Variants in PCDHGA3 observed in about 807,000 individuals in gnomAD.
PCDHGA3 encodes protocadherin gamma-A3.
A neutral mutation model predicts 58.5 loss-of-function variants in PCDHGA3; 40 were observed. The observed-to-expected ratio is 0.68, with a 90% CI of 0.53 to 0.89. The LOEUF is 0.89. PCDHGA3 is among the 40% of genes least tolerant of loss of function. The pLI, the probability that PCDHGA3 is intolerant of heterozygous loss-of-function variation, is 0.00. For synonymous variants in PCDHGA3, 530 were observed against 525.7 expected, an observed-to-expected ratio of 1.01 and a Z score of -0.11; for missense variants, 1,223 against 1,195.9, an observed-to-expected ratio of 1.02 and a Z score of -0.33.
Position 141,384,834 on chromosome 5 carries a change from C to T in PCDHGA3, c.2424+38377C>T, listed in dbSNP as rs369584315. 6.0e-5 allele frequency: 97 copies of T among 1,613,478 alleles called. No individual in the cohort carries two copies. The African/African-American group carries it at 1.2e-3, about 19-fold the overall frequency. On this transcript the variant is annotated intron_variant, in intron 1 of 3. Coordinates refer to ENST00000253812, the MANE Select transcript of PCDHGA3 (RefSeq NM_018916.4). The stretch of plus-strand genomic sequence containing the variant: ...CCCTCAAGCAGAGCCTCGTGGTGGC[C>T]GTCCAGGACCACGGTCAGCCTCCTC...
chr5:141,344,226 C>T lies in PCDHGA3; in HGVS notation c.193C>T (p.Arg65Cys). The change falls in exon 1 of 4, where the codon CGC becomes TGC. Residue 65 changes from arginine to cysteine, a missense_variant. By Grantham distance (180) the Arg-to-Cys change is radical. Transcript: ENST00000253812. ...CCGGGAGCTGGCGGAGCGCGGAGTC[C>T]GCATCGTCTCCAGAGGTAGGACGCA... ...EPRELAERGV[R>C]IVSRGRTQLF... The T allele has an allele frequency of 1.2e-6, 2 of 1,614,026 alleles. No individual in the cohort carries two copies. The highest frequency in any genetic ancestry group is 1.1e-5 in the South Asian group (1 of 91,082).
rs765243043 is a variant in PCDHGA3 at position 141,390,219 on chromosome 5, T to C, written c.2424+43762T>C. On this transcript the variant is annotated intron_variant, in intron 1 of 3. Coordinates refer to ENST00000253812, the MANE Select transcript of PCDHGA3 (RefSeq NM_018916.4). ...GTTGAGTTCAGGACAAGACATACTT[T>C]GCGGTGATTCATCTGGGGCCTTATT... 3.1e-6 allele frequency: 5 copies of C among 1,614,066 alleles called. No individual in the cohort carries two copies. In the South Asian group the frequency reaches 5.5e-5, roughly 18 times the overall value.
chr5:141,408,851 G>T, intron 1 of PCDHGA3: 4 of 1,613,574 alleles, frequency 2.5e-6, no homozygotes, highest in African/African-American at 1.3e-5. Context: ...TGCCTTGGAC[G>T]GAGGGGACCC....
At position 141,403,568 on chromosome 5, in the gene PCDHGA3, ACTGCCCACCAC is replaced by A. The variant is rs758329896; in HGVS notation, c.2424+57115_2424+57125del. On this transcript the variant is annotated intron_variant, in intron 1 of 3. Coordinates refer to ENST00000253812, the MANE Select transcript of PCDHGA3 (RefSeq NM_018916.4). The stretch of plus-strand genomic sequence containing the variant: ...GCGCGCCCTGGACAGGGAGGAGGCA[ACTGCCCACCAC>A]CTGGTCCTCACGGCCTCGGATGGCG... The A allele has an allele frequency of 2.5e-6, 4 of 1,613,918 alleles. No individual in the cohort carries two copies. In the South Asian group the frequency reaches 4.4e-5, roughly 18 times the overall value.
intron 1 of PCDHGA3, chr5:141,428,461 G>A: frequency 2.8e-6 from 1 of 352,014 alleles, no homozygotes; most frequent in South Asian, 2.8e-5. Flanking sequence ...CAACTACAAT[G>A]AGGGAACTTT....
rs759819103 is a variant in PCDHGA3, at chr5:141,398,546, T to A, written c.2424+52089T>A. On this transcript the variant is annotated intron_variant, in intron 1 of 3. Transcript: ENST00000253812. ...AAATTCACGCAAAATTCCTTTGAGC[T>A]GCAAATAAGTGAGTCTGCACAGCCT... 3.1e-6 allele frequency: 5 copies of A among 1,613,902 alleles called. No homozygotes were observed. The East Asian group carries it at 1.1e-4, about 36-fold the overall frequency.
At position 141,476,613 on chromosome 5, in the gene PCDHGA3, G is replaced by A; in HGVS notation, c.2425-18194G>A. On this transcript the variant is annotated intron_variant, in intron 1 of 3. Coordinates refer to ENST00000253812, the MANE Select transcript of PCDHGA3 (RefSeq NM_018916.4). This position sits in a 1 kb window ranked among gnomAD's most constrained non-coding sequence, Gnocchi z 7.6. ...AGCGCGCACGATCCCGATGTGGGAA[G>A]CAACTCTTTACAAACCTATGAGCTG... is the stretch of plus-strand genomic sequence containing the variant. 1 of 1,614,266 alleles carries A rather than the reference G, an allele frequency of 6.2e-7. No homozygotes were observed. The highest frequency in any genetic ancestry group is 1.3e-5 in the African/African-American group (1 of 75,078).
Position 141,344,302 on chromosome 5 carries a change from T to C in PCDHGA3, c.269T>C (p.Ile90Thr). The change falls in exon 1 of 4, where the codon ATA becomes ACA. Residue 90 changes from isoleucine to threonine, a missense_variant. Ile to Thr is a moderately conservative substitution (Grantham distance 89). Around this residue, in one of 3 missense-constraint regions of PCDHGA3, gnomAD observed 791 missense variants for 708.5 expected, o/e 1.12. Transcript: ENST00000253812. Reference protein sequence around the residue: ...QSGSLVTAERIDREELCAQIP... With the variant: ...QSGSLVTAERTDREELCAQIP... ...GGCAGCTTGGTCACCGCGGAGAGGA[T>C]AGACCGGGAGGAGCTCTGCGCTCAG... 1 of 1,614,088 alleles carries C rather than the reference T, an allele frequency of 6.2e-7. No individual in the cohort carries two copies. The highest frequency in any genetic ancestry group is 1.1e-5 in the South Asian group (1 of 91,090).
intron 1 of PCDHGA3, chr5:141,402,801 G>T (rs1218765657): frequency 1.2e-5 from 13 of 1,078,506 alleles, no homozygotes; most frequent in Non-Finnish European, 1.7e-5. Context: ...CACAAAACCC[G>T]GCAGATACCA....
At chr5:141,373,660 C>G (rs1045727807) in intron 1 of PCDHGA3, among the ~76,000 whole-genome samples, 15 of 152,296 alleles carry the variant, frequency 9.8e-5, no homozygotes, top group Admixed American at 3.3e-4. Context: ...GAGATATTTT[C>G]ATAAAAATGA....
Position 141,364,123 on chromosome 5 carries a change from C to T in PCDHGA3, c.2424+17666C>T, listed in dbSNP as rs1763177434. ...AGTCACTGGTTAGGACTCTGAGTGT[C>T]GCTGTTGACCAAAGTGGGAAAGAAG... is the stretch of plus-strand genomic sequence containing the variant. On this transcript the variant is annotated intron_variant, in intron 1 of 3. Coordinates refer to ENST00000253812, the MANE Select transcript of PCDHGA3 (RefSeq NM_018916.4). 3 of 460,466 alleles carry T rather than the reference C, an allele frequency of 6.5e-6. No individual in the cohort carries two copies. The Admixed American group carries it at 1.1e-4, about 18-fold the overall frequency. The allele number at this position is 460,466 out of a possible 1,614,324, so 28.5% of individuals were successfully genotyped here. A position where few individuals can be genotyped will look rare whatever the true frequency, so the allele number is the denominator to read the frequency against.
rs2099883748 is a variant in PCDHGA3 at position 141,511,359 on chromosome 5, T to A, written c.*186T>A. On this transcript the variant is annotated 3_prime_UTR_variant, in exon 4 of 4. Transcript: ENST00000253812. ...CACCTACCCCTTCCCCCCCAGGGGGTTGAATATGCAAAAGCAGTTCCGCTG... is the reference window on the plus strand; with the variant it reads ...CACCTACCCCTTCCCCCCCAGGGGGATGAATATGCAAAAGCAGTTCCGCTG... 2 of 1,339,338 alleles carry A rather than the reference T, an allele frequency of 1.5e-6. No individual in the cohort carries two copies. Among genetic ancestry groups the A allele is most frequent in the Non-Finnish European group, 2.0e-6 (2 of 1,000,492 alleles). The allele number at this position is 1,339,338 out of a possible 1,614,324, so 83.0% of individuals were successfully genotyped here. A position where few individuals can be genotyped will look rare whatever the true frequency, so the allele number is the denominator to read the frequency against.
In PCDHGA3 at chr5:141,485,233, C is replaced by T; in HGVS notation, c.2425-9574C>T. 1.2e-6 allele frequency: 2 copies of T among 1,614,182 alleles called. No individual in the cohort carries two copies. The highest frequency in any genetic ancestry group is 1.7e-6 in the Non-Finnish European group (2 of 1,180,030). ...GGCGGTGGGCTACCCTTTTGTTCCTCTTTTACCACCTGGGTTACGTTTGTG... is the reference window on the plus strand; with the variant it reads ...GGCGGTGGGCTACCCTTTTGTTCCTTTTTTACCACCTGGGTTACGTTTGTG... On this transcript the variant is annotated intron_variant, in intron 1 of 3. Transcript: ENST00000253812. This position sits in a 1 kb window ranked among gnomAD's most constrained non-coding sequence, Gnocchi z 5.7.
At chr5:141,375,525 T>C (rs1027901003) in intron 1 of PCDHGA3, 13 of 1,613,866 alleles carry the variant, frequency 8.1e-6, no homozygotes, top group African/African-American at 1.3e-5. Context: ...GACCCTGACG[T>C]GGACCAGAAC....
chr5:141,432,969 C>T lies in PCDHGA3; in HGVS notation c.2425-61838C>T, dbSNP rs754836894. On this transcript the variant is annotated intron_variant, in intron 1 of 3. Coordinates refer to ENST00000253812, the MANE Select transcript of PCDHGA3 (RefSeq NM_018916.4). The surrounding 1 kb of genome is among the most constrained non-coding windows in gnomAD (Gnocchi z 6.0). ...GGAGGCGGCTTGACAGGAGCGCCGG[C>T]GTCGCACTTTGTGGGCGTGGACGGG... The T allele has an allele frequency of 3.7e-6, 6 of 1,614,030 alleles. No individual in the cohort carries two copies. In the African/African-American group the frequency reaches 8.0e-5, roughly 22 times the overall value.
At chr5:141,376,267 G>T (rs1021502624) in intron 1 of PCDHGA3, 2 of 1,614,210 alleles carry the variant, frequency 1.2e-6, no homozygotes. Flanking sequence ...TGCAGGCTTC[G>T]GGAGGTGGCT....
intron 1 of PCDHGA3, chr5:141,375,571 C>A (rs760580799): frequency 2.5e-6 from 4 of 1,613,962 alleles, no homozygotes; most frequent in Non-Finnish European, 3.4e-6. Context: ...AAGACACCCT[C>A]CAGGGGGCGC....
At chr5:141,502,274 A>G (rs573517581) in intron 2 of PCDHGA3, among the ~76,000 whole-genome samples, 18 of 152,128 alleles carry the variant, frequency 1.2e-4, no homozygotes, top group African/African-American at 4.1e-4. Context: ...ATCAAGGAGC[A>G]TAGATTGCAT....
At chr5:141,365,947 C>A (rs752957428) in intron 1 of PCDHGA3, 1 of 1,613,770 alleles carries the variant, frequency 6.2e-7, no homozygotes, top group East Asian at 2.2e-5. Flanking sequence ...ACAGTGGGAA[C>A]CCTCCACTTA....
Sources: gnomAD v4.1 joint callset for allele counts (sites outside exome capture counted in the v4.1 genomes callset) on GRCh38, gnomAD v4.1.1 for gene constraint, gnomAD v4.1.1 regional missense constraint, Gnocchi (gnomAD v3.1) non-coding constraint, MANE v1.5 for transcripts, NCBI Gene and HGNC (gene_info 2026-07-23, HGNC 2026-07-21) for gene names.